Variants in TCF12 observed in about 807,000 individuals in gnomAD.
TCF12 encodes the protein transcription factor 12, also known as DNA-binding protein HTF4.
TCF12 carries 45 observed loss-of-function variants against 86.0 expected under a neutral mutation model. That is an observed-to-expected ratio of 0.52 (90% CI 0.41 to 0.67). The LOEUF (loss-of-function observed/expected upper bound fraction) is 0.67. Ranked by LOEUF, TCF12 falls within the 30% of genes least tolerant of loss-of-function variation. TCF12 has a pLI of 0.00. For missense variants in TCF12, 881 were observed against 859.9 expected (o/e 1.02, Z -0.31); for synonymous variants, 330 against 299.6 (o/e 1.10, Z -1.05).
chr15:56,962,970 T>C (rs2061835284), intron 3 of TCF12, among the ~76,000 whole-genome samples: 1 of 151,620 alleles, frequency 6.6e-6, no homozygotes, highest in South Asian at 2.1e-4. Flanking sequence ...ATTTAAAAAA[T>C]CTATGAGTTT....
Position 57,265,964 on chromosome 15 carries a change from G to A in TCF12, c.1745+2690G>A, listed in dbSNP as rs923717684. Among the ~76,000 whole-genome samples the A allele has an allele frequency of 9.2e-5, 14 of 152,224 alleles. No individual in the cohort carries two copies. In the East Asian group the frequency reaches 2.7e-3, roughly 29 times the overall value. The stretch of plus-strand genomic sequence containing the variant: ...TATGTAGTCCCTCATTGACTGAAAT[G>A]TTATGGGCTCATAACTGTATATTAA... On this transcript the variant is annotated intron_variant, in intron 18 of 20. Transcript: ENST00000333725.
In TCF12 at chr15:57,094,466, A is replaced by G. The variant is rs1350126143; in HGVS notation, c.325+2575A>G. 2.6e-5 allele frequency among the ~76,000 whole-genome samples: 4 copies of G among 152,196 alleles called. No individual in the cohort carries two copies. The East Asian group carries it at 5.8e-4, about 22-fold the overall frequency. On this transcript the variant is annotated intron_variant, in intron 5 of 20. Coordinates refer to ENST00000333725, the MANE Select transcript of TCF12 (RefSeq NM_207037.2). ...ATGCAGTTCTATACAGCAACAGGCA[A>G]TTCAACTTGATATGAGCTGAAGTAA... is the stretch of plus-strand genomic sequence containing the variant.
chr15:57,280,183 C>T (rs1567044406), intron 19 of TCF12, among the ~76,000 whole-genome samples: 1 of 152,086 alleles, frequency 6.6e-6, no homozygotes, highest in Non-Finnish European at 1.5e-5. Context: ...AGCCACCACG[C>T]CCAGCCCACA....
At chr15:56,962,531 A>G (rs1366693426) in intron 3 of TCF12, among the ~76,000 whole-genome samples, 3 of 152,208 alleles carry the variant, frequency 2.0e-5, no homozygotes, top group Non-Finnish European at 4.4e-5. Context: ...TAAAGAAAAG[A>G]TCCCAGAAAC....
intron 3 of TCF12, among the ~76,000 whole-genome samples, chr15:56,980,068 T>G (rs886222433): frequency 6.6e-6 from 1 of 152,140 alleles, no homozygotes; most frequent in African/African-American, 2.4e-5. Context: ...AAGTCAAGAT[T>G]TTTGTTTTGG....
chr15:56,946,429 A>G (rs1233808193), intron 3 of TCF12, among the ~76,000 whole-genome samples: 1 of 150,348 alleles, frequency 6.7e-6, no homozygotes. Flanking sequence ...ATTTCTAGAA[A>G]CTCTTTTGTT....
chr15:57,275,327 G>GGGGTGTGTGTGTGTGTGTGTGT (rs2061328433), intron 19 of TCF12, among the ~76,000 whole-genome samples: 3 of 64,080 alleles, frequency 4.7e-5, no homozygotes, highest in Admixed American at 1.7e-4. Flanking sequence ...GTAAGGTAGG[G>GGGGTGTGTGTGTGTGTGTGTGT]GTGTGTGTGT....
intron 5 of TCF12, among the ~76,000 whole-genome samples, chr15:57,115,854 T>C (rs1444133321): frequency 4.6e-5 from 2 of 43,166 alleles, no homozygotes; most frequent in Non-Finnish European, 8.6e-5. Flanking sequence ...AGAGAGATGC[T>C]AGGCAATAGG....
chr15:56,993,290 CGT>C (rs2063542415), intron 3 of TCF12, among the ~76,000 whole-genome samples: 1 of 152,100 alleles, frequency 6.6e-6, no homozygotes, highest in Non-Finnish European at 1.5e-5. Flanking sequence ...CCCAAGCAAC[CGT>C]GTGGTAATGG....
chr15:57,206,033 C>T (rs1326464424), intron 8 of TCF12, among the ~76,000 whole-genome samples: 2 of 151,262 alleles, frequency 1.3e-5, no homozygotes, highest in Non-Finnish European at 2.9e-5. Context: ...AACTCTTTGG[C>T]TGCTGGTAAG....
intron 18 of TCF12, among the ~76,000 whole-genome samples, chr15:57,265,068 AATAGTATAGTATAGT>A (rs71113096): frequency 0.32 from 45,077 of 139,476 alleles, 8,240 homozygotes; most frequent in Admixed American, 0.42. Context: ...TCTAATGATA[AATAGTATAGTATAGT>A]ATAGTATAGT....
intron 3 of TCF12, among the ~76,000 whole-genome samples, chr15:56,945,911 A>G (rs542091579): frequency 6.6e-6 from 1 of 152,262 alleles, no homozygotes; most frequent in Non-Finnish European, 1.5e-5. Context: ...TCTTTCTTGC[A>G]TGGTGGTTCT....
rs904875243 is a variant in TCF12, at chr15:57,267,111, T to C, written c.1745+3837T>C. ...TACACCCTATTTCTTGGCATACATATTCATTTATCAATGATATGTGTATAT... is the reference window on the plus strand; with the variant it reads ...TACACCCTATTTCTTGGCATACATACTCATTTATCAATGATATGTGTATAT... On this transcript the variant is annotated intron_variant, in intron 18 of 20. Coordinates refer to ENST00000333725, the MANE Select transcript of TCF12 (RefSeq NM_207037.2). Among the ~76,000 whole-genome samples the C allele has an allele frequency of 2.6e-5, 4 of 152,242 alleles. No homozygotes were observed. The South Asian group carries it at 8.3e-4, about 32-fold the overall frequency.
chr15:57,197,838 C>CT lies in TCF12; in HGVS notation c.579+20dup. The CT allele has an allele frequency of 1.2e-6, 2 of 1,612,800 alleles. No homozygotes were observed. The highest frequency in any genetic ancestry group is 2.2e-5 in the South Asian group (2 of 90,730). ...TTTGCCTTCTTCTGTAAGTACCTAT[C>CT]TTTTTTTAACTTGATGGTAAACAAA... On this transcript the variant is annotated intron_variant, in intron 8 of 20. Transcript: ENST00000333725.
At chr15:57,181,033 C>T (rs1257328851) in intron 6 of TCF12, among the ~76,000 whole-genome samples, 2 of 151,776 alleles carry the variant, frequency 1.3e-5, no homozygotes, top group African/African-American at 2.4e-5. Flanking sequence ...CCAGGATAGT[C>T]TCAATCTCCT....
intron 5 of TCF12, among the ~76,000 whole-genome samples, chr15:57,107,902 G>T (rs1399515521): frequency 6.6e-6 from 1 of 152,102 alleles, no homozygotes; most frequent in African/African-American, 2.4e-5. Flanking sequence ...GTGAGGCCCT[G>T]TCTCAAAAAT....
chr15:57,247,563 TCTGC>T (rs796855366), intron 13 of TCF12: 8 of 902,866 alleles, frequency 8.9e-6, no homozygotes, highest in South Asian at 7.8e-5. Flanking sequence ...TTTTTTCCAC[TCTGC>T]CTGTCTTCCA....
intron 3 of TCF12, among the ~76,000 whole-genome samples, chr15:57,050,322 T>G (rs1042615494): frequency 1.7e-4 from 26 of 152,162 alleles, no homozygotes; most frequent in Non-Finnish European, 5.9e-5. Flanking sequence ...CTCTATTTAG[T>G]ATTTCTTGTA....
At chr15:57,150,317 C>CA (rs2053649629) in intron 5 of TCF12, among the ~76,000 whole-genome samples, 1 of 152,164 alleles carries the variant, frequency 6.6e-6, no homozygotes, top group Non-Finnish European at 1.5e-5. Flanking sequence ...GGAAAGCTCA[C>CA]ACAAAGCTGG....
Sources: gnomAD v4.1 joint callset for allele counts (sites outside exome capture counted in the v4.1 genomes callset) on GRCh38, gnomAD v4.1.1 for gene constraint, MANE v1.5 for transcripts, NCBI Gene and HGNC (gene_info 2026-07-23, HGNC 2026-07-21) for gene names.